The following COL24A1 variants were observed in gnomAD, a reference collection of about 807,000 sequenced individuals.
COL24A1 encodes the protein collagen type XXIV alpha 1 chain, also known as collagen alpha-1(XXIV) chain.
A neutral mutation model predicts 253.9 loss-of-function variants in COL24A1; 224 were observed. The observed-to-expected ratio is 0.88, with a 90% confidence interval of 0.79 to 0.99. COL24A1 has a LOEUF of 0.99. Ranked by LOEUF, COL24A1 falls within the 50% of genes least tolerant of loss-of-function variation. COL24A1 has a pLI of 0.00. For missense variants in COL24A1, 2,131 were observed against 2,068.5 expected, an observed-to-expected ratio of 1.03 and a Z score of -0.59; for synonymous variants, 685 against 673.7, an observed-to-expected ratio of 1.02 and a Z score of -0.26.
At position 85,937,907 on chromosome 1, in the gene COL24A1, T is replaced by C. The variant is rs1242685715; in HGVS notation, c.2562+23342A>G. Among the ~76,000 whole-genome samples, 2 of 147,490 alleles carry C rather than the reference T, an allele frequency of 1.4e-5. 1 individual carries two copies. The highest frequency in any genetic ancestry group is 5.0e-5 in the African/African-American group (2 of 40,184). On this transcript the variant is annotated intron_variant, in intron 24 of 59. Coordinates refer to ENST00000370571, the MANE Select transcript of COL24A1 (RefSeq NM_152890.7). ...AGTATTTAGTAGCTTAAAAAGTGTC[T>C]AATTTACCATATGGGATCCCCAAAA...
intron 52 of COL24A1, among the ~76,000 whole-genome samples, chr1:85,780,117 A>G (rs890181843): frequency 2.0e-5 from 3 of 152,130 alleles, no homozygotes; most frequent in Admixed American, 6.5e-5. Context: ...TCCCACTTAC[A>G]ATCTTATATA....
chr1:86,125,156 G>T lies in COL24A1; in HGVS notation c.1180C>A (p.Pro394Thr). Residue 394 changes from proline to threonine, a missense_variant, in exon 3 of 60, where the codon CCA becomes ACA. Pro to Thr is a conservative substitution (Grantham distance 38). Transcript: ENST00000370571. ...VTGLSLFKKM[P>T]SILPQIKQDT... The stretch of plus-strand genomic sequence containing the variant: ...TGTTTAATTTGTGGAAGAATAGATG[G>T]CATCTTCTTAAACAGTGACAGACCA... The T allele has an allele frequency of 6.2e-7, 1 of 1,613,180 alleles. No individual in the cohort carries two copies. The highest frequency in any genetic ancestry group is 8.5e-7 in the Non-Finnish European group (1 of 1,179,552).
chr1:85,865,291 C>T (rs1206971779), intron 37 of COL24A1, among the ~76,000 whole-genome samples: 1 of 152,052 alleles, frequency 6.6e-6, no homozygotes, highest in African/African-American at 2.4e-5. Flanking sequence ...CATTAGGGTG[C>T]CTGATTAAGC....
chr1:85,795,975 G>A (rs1249584479), intron 47 of COL24A1, among the ~76,000 whole-genome samples: 1 of 152,022 alleles, frequency 6.6e-6, no homozygotes, highest in Non-Finnish European at 1.5e-5. Context: ...ATGTGGGATG[G>A]TAATTATTAG....
chr1:85,779,386 T>C (rs1668924219), intron 52 of COL24A1, among the ~76,000 whole-genome samples: 1 of 149,774 alleles, frequency 6.7e-6, no homozygotes, highest in South Asian at 2.1e-4. Flanking sequence ...CTTTATGTCA[T>C]TTTTTTTTTC....
rs952685432 is a variant in COL24A1 at position 85,875,272 on chromosome 1, G to C, written c.3084+5C>G. 1.2e-6 allele frequency: 2 copies of C among 1,612,594 alleles called. No individual in the cohort carries two copies. The highest frequency in any genetic ancestry group is 1.7e-6 in the Non-Finnish European group (2 of 1,178,894). ...GAGATTCTCCTTTATTTTTTAGAAG[G>C]TTACCTTTGCACCTGGTTCACCTTG... On this transcript the variant is annotated splice_donor_5th_base_variant and intron_variant, in intron 34 of 59. Transcript: ENST00000370571.
At chr1:85,864,962 T>C (rs947070690) in intron 37 of COL24A1, among the ~76,000 whole-genome samples, 16 of 152,280 alleles carry the variant, frequency 1.1e-4, no homozygotes, top group Admixed American at 2.6e-4. Context: ...AATTCTTTTC[T>C]CATGCAGAGT....
intron 14 of COL24A1, among the ~76,000 whole-genome samples, chr1:86,025,889 A>G (rs1332340390): frequency 6.6e-6 from 1 of 152,104 alleles, no homozygotes; most frequent in Non-Finnish European, 1.5e-5. Context: ...CCATTCATAT[A>G]CAATCTTCAA....
chr1:86,154,690 GCTTTAACT>G (rs1263931251), intron 1 of COL24A1: 1 of 152,730 alleles, frequency 6.5e-6, no homozygotes. Flanking sequence ...GAGCAGATCT[GCTTTAACT>G]CCGGTGGTTG....
At chr1:86,063,961 C>A (rs1047350638) in intron 7 of COL24A1, among the ~76,000 whole-genome samples, 4 of 151,422 alleles carry the variant, frequency 2.6e-5, no homozygotes, top group Non-Finnish European at 4.4e-5. Context: ...AAAATTAATT[C>A]TTATTAATAA....
chr1:86,066,231 CTTTTTT>C (rs71078637), intron 7 of COL24A1, among the ~76,000 whole-genome samples: 7 of 85,516 alleles, frequency 8.2e-5, no homozygotes, highest in African/African-American at 2.9e-4. Flanking sequence ...CCTAAGTCTC[CTTTTTT>C]TTTTTTTTTT....
chr1:85,879,106 T>C (rs1326034034), intron 32 of COL24A1, among the ~76,000 whole-genome samples: 1 of 152,194 alleles, frequency 6.6e-6, no homozygotes, highest in Non-Finnish European at 1.5e-5. Context: ...TTACCAGTTT[T>C]TTCTTTCATG....
chr1:86,136,703 G>C (rs762548804), intron 2 of COL24A1, among the ~76,000 whole-genome samples: 5 of 151,862 alleles, frequency 3.3e-5, no homozygotes, highest in Non-Finnish European at 5.9e-5. Context: ...CGACCTCTCA[G>C]CCATTATATT....
At chr1:86,083,011 A>AAACT (rs1702765939) in intron 7 of COL24A1, among the ~76,000 whole-genome samples, 1 of 152,024 alleles carries the variant, frequency 6.6e-6, no homozygotes, top group African/African-American at 2.4e-5. Flanking sequence ...TAAAGACAGT[A>AAACT]AACTGGCCGG....
intron 35 of COL24A1, among the ~76,000 whole-genome samples, chr1:85,874,448 G>A (rs567817334): frequency 6.6e-6 from 1 of 152,096 alleles, no homozygotes; most frequent in African/African-American, 2.4e-5. Flanking sequence ...GACATATGAG[G>A]TTAAGACTGT....
intron 19 of COL24A1, among the ~76,000 whole-genome samples, chr1:85,991,218 C>T (rs147936016): frequency 4.6e-5 from 7 of 152,330 alleles, no homozygotes; most frequent in Admixed American, 2.6e-4. Flanking sequence ...GGCAGAACTA[C>T]ACCATGAGAC....
intron 47 of COL24A1, among the ~76,000 whole-genome samples, chr1:85,811,797 G>A (rs566368909): frequency 6.6e-6 from 1 of 152,190 alleles, no homozygotes; most frequent in African/African-American, 2.4e-5. Context: ...CAGGTTGCCA[G>A]TTTTGAGTGG....
intron 24 of COL24A1, among the ~76,000 whole-genome samples, chr1:85,939,834 G>A (rs1030651872): frequency 5.3e-5 from 8 of 152,002 alleles, no homozygotes; most frequent in Non-Finnish European, 1.0e-4. Context: ...AAATGATGTA[G>A]CACAGAGATT....
chr1:85,878,130 G>T (rs970244305), intron 32 of COL24A1, among the ~76,000 whole-genome samples: 1 of 151,960 alleles, frequency 6.6e-6, no homozygotes, highest in African/African-American at 2.4e-5. Flanking sequence ...TTATTCATTG[G>T]ACATTGTTTT....
Sources: allele counts gnomAD v4.1 joint callset (sites outside exome capture counted in the v4.1 genomes callset), GRCh38; gene constraint gnomAD v4.1.1; transcripts MANE v1.5; gene names NCBI Gene and HGNC (gene_info 2026-07-23, HGNC 2026-07-21).